The following PTPRD variants were observed in gnomAD, a reference collection of about 807,000 sequenced individuals.
PTPRD encodes the protein protein tyrosine phosphatase receptor type D.
Under a neutral mutation model 214.5 loss-of-function variants are expected in PTPRD, and 34 were observed. The ratio of observed to expected loss-of-function variants is 0.16; its 90% confidence interval spans 0.12 to 0.21. The LOEUF (loss-of-function observed/expected upper bound fraction) is 0.21, where lower values mean the gene tolerates loss of function less well. PTPRD is among the 10% of genes least tolerant of loss of function. PTPRD has a pLI of 1.00. For missense variants in PTPRD, 2,545 were observed against 2,398.7 expected (o/e 1.06, Z -1.27); for synonymous variants, 1,128 against 845.7 (o/e 1.33, Z -5.79).
intron 2 of PTPRD, among the ~76,000 whole-genome samples, chr9:10,503,213 A>AAAAAAAAAAAAAAC (rs1555437452): frequency 6.7e-6 from 1 of 149,480 alleles, no homozygotes; most frequent in Non-Finnish European, 1.5e-5. Context: ...AAAAACAAAA[A>AAAAAAAAAAAAAAC]AAAACACCAT....
chr9:8,782,581 C>A (rs1168485689), intron 11 of PTPRD, among the ~76,000 whole-genome samples: 1 of 146,208 alleles, frequency 6.8e-6, no homozygotes, highest in Admixed American at 6.9e-5. Flanking sequence ...CTCATGAAAA[C>A]AGAAATACTT....
At chr9:9,220,484 T>G (rs1405076686) in intron 9 of PTPRD, among the ~76,000 whole-genome samples, 1 of 152,044 alleles carries the variant, frequency 6.6e-6, no homozygotes, top group Non-Finnish European at 1.5e-5. Flanking sequence ...GCCTCCTTTG[T>G]GCATTGGGGA....
chr9:8,552,406 G>C lies in PTPRD; in HGVS notation c.353-23627C>G, dbSNP rs138928874. On this transcript the variant is annotated intron_variant, in intron 14 of 45. Transcript: ENST00000381196. ...TGACAGAGTATGACATGTGTTTTTGGATTTGGTATCCACTTTTCTCCCAGA... is the reference window on the plus strand; with the variant it reads ...TGACAGAGTATGACATGTGTTTTTGCATTTGGTATCCACTTTTCTCCCAGA... Among the ~76,000 whole-genome samples, 863 of 152,238 alleles carry C rather than the reference G, an allele frequency of 5.7e-3. 8 individuals are homozygous for C. Among genetic ancestry groups the C allele is most frequent in the African/African-American group, 0.017 (725 of 41,534 alleles).
At chr9:9,808,674 G>A (rs1283690769) in intron 5 of PTPRD, among the ~76,000 whole-genome samples, 2 of 152,060 alleles carry the variant, frequency 1.3e-5, no homozygotes, top group Admixed American at 6.6e-5. Flanking sequence ...TCTGCCTCCT[G>A]GTTCCATTTA....
chr9:8,817,196 C>A (rs2096938040), intron 11 of PTPRD, among the ~76,000 whole-genome samples: 1 of 152,150 alleles, frequency 6.6e-6, no homozygotes, highest in Middle Eastern at 3.2e-3. Flanking sequence ...TAGTTAAATT[C>A]ACTTCTTAAA....
intron 11 of PTPRD, among the ~76,000 whole-genome samples, chr9:8,834,773 T>C (rs1248278428): frequency 3.3e-5 from 5 of 152,156 alleles, no homozygotes; most frequent in African/African-American, 1.2e-4. Flanking sequence ...GTAAAGACAA[T>C]GATTTGTAAC....
At chr9:10,413,742 T>C (rs1380155709) in intron 2 of PTPRD, among the ~76,000 whole-genome samples, 2 of 151,834 alleles carry the variant, frequency 1.3e-5, no homozygotes, top group Admixed American at 6.6e-5. Context: ...AACAGCAAGA[T>C]ATTGGTACAA....
intron 11 of PTPRD, among the ~76,000 whole-genome samples, chr9:9,016,122 C>A (rs1257211261): frequency 6.6e-6 from 1 of 152,152 alleles, no homozygotes; most frequent in African/African-American, 2.4e-5. Context: ...AACTCTGAGA[C>A]TGCCTTACTG....
At chr9:9,834,925 A>T (rs192902450) in intron 5 of PTPRD, among the ~76,000 whole-genome samples, 5 of 151,756 alleles carry the variant, frequency 3.3e-5, no homozygotes, top group African/African-American at 1.2e-4. Flanking sequence ...TTAACCTAAC[A>T]GGTACTTTTG....
At chr9:10,332,883 T>C (rs922451047) in intron 3 of PTPRD, among the ~76,000 whole-genome samples, 2 of 151,820 alleles carry the variant, frequency 1.3e-5, no homozygotes, top group African/African-American at 2.4e-5. Flanking sequence ...CCCCTAACTT[T>C]TGATTTCCCT....
intron 2 of PTPRD, among the ~76,000 whole-genome samples, chr9:10,397,953 G>A (rs961566359): frequency 6.6e-6 from 1 of 151,874 alleles, no homozygotes; most frequent in Non-Finnish European, 1.5e-5. Context: ...ACACATGACT[G>A]ATATTAATTA....
chr9:9,487,589 T>C (rs563459789), intron 8 of PTPRD, among the ~76,000 whole-genome samples: 1 of 152,310 alleles, frequency 6.6e-6, no homozygotes, highest in East Asian at 1.9e-4. Flanking sequence ...GTTTTTCATT[T>C]GCACTCTCAG....
chr9:8,826,071 G>A (rs917871994), intron 11 of PTPRD, among the ~76,000 whole-genome samples: 1 of 152,108 alleles, frequency 6.6e-6, no homozygotes, highest in Non-Finnish European at 1.5e-5. Context: ...AGATGGAGTT[G>A]CTCTGGTTCA....
At chr9:9,809,429 G>C (rs1210231600) in intron 5 of PTPRD, among the ~76,000 whole-genome samples, 1 of 151,690 alleles carries the variant, frequency 6.6e-6, no homozygotes, top group African/African-American at 2.4e-5. Flanking sequence ...CACCACGCCT[G>C]GCTAATTTTT....
intron 2 of PTPRD, among the ~76,000 whole-genome samples, chr9:10,534,188 A>ACTCT: frequency 6.6e-6 from 1 of 152,004 alleles, no homozygotes; most frequent in Admixed American, 6.6e-5. Context: ...AGATGGCAAT[A>ACTCT]CTCTCTCCAT....
intron 11 of PTPRD, among the ~76,000 whole-genome samples, chr9:8,752,125 G>A (rs191434394): frequency 2.3e-4 from 35 of 152,244 alleles, no homozygotes; most frequent in Admixed American, 1.6e-3. Context: ...AAAGGGGCTG[G>A]GTAAAATGAG....
intron 4 of PTPRD, among the ~76,000 whole-genome samples, chr9:9,960,607 G>C (rs528277981): frequency 6.6e-6 from 1 of 152,164 alleles, no homozygotes; most frequent in South Asian, 2.1e-4. Context: ...GACCTCTGTG[G>C]TATTTCCTCC....
At chr9:9,452,021 G>C (rs1464690760) in intron 8 of PTPRD, among the ~76,000 whole-genome samples, 3 of 151,388 alleles carry the variant, frequency 2.0e-5, no homozygotes, top group Non-Finnish European at 4.4e-5. Flanking sequence ...AATATTTCTA[G>C]AATTGTTGGA....
At chr9:9,639,822 G>C (rs967479284) in intron 7 of PTPRD, among the ~76,000 whole-genome samples, 1 of 152,072 alleles carries the variant, frequency 6.6e-6, no homozygotes, top group African/African-American at 2.4e-5. Context: ...GCTTAGGTTT[G>C]TATTAACTCT....
Sources: allele counts gnomAD v4.1 joint callset (sites outside exome capture counted in the v4.1 genomes callset), GRCh38; gene constraint gnomAD v4.1.1; transcripts MANE v1.5; gene names NCBI Gene and HGNC (gene_info 2026-07-23, HGNC 2026-07-21).